HDAC6: variants seen among roughly 807,000 people sequenced by gnomAD.
The protein encoded by HDAC6 is protein deacetylase HDAC6.
A neutral mutation model predicts 88.9 loss-of-function variants in HDAC6; 5 were observed. That is an observed-to-expected ratio of 0.06 (90% CI 0.03 to 0.12). The LOEUF (loss-of-function observed/expected upper bound fraction) is 0.12. Among genes scored for constraint, HDAC6 ranks in the 10% least tolerant of loss-of-function variants. HDAC6 has a pLI of 1.00. For missense variants in HDAC6, 706 were observed against 1,014.4 expected, an observed-to-expected ratio of 0.70 and a Z score of 4.13; for synonymous variants, 378 against 398.0, an observed-to-expected ratio of 0.95 and a Z score of 0.60.
intron 1 of HDAC6, 43 bp from the exon 2 acceptor site, chrX:48,802,620 C>A (rs903060267): frequency 8.6e-6 from 10 of 1,163,917 alleles, no homozygotes; most frequent in Non-Finnish European, 1.1e-5. Context: ...CCTCAGGGCA[C>A]ACTAGCCCCC....
chrX:48,820,111 C>T lies in HDAC6; in HGVS notation c.2193C>T (p.Asn731=). ...CTCTTCTCTCCCTGCCTCAGTTTAA[C>T]CCAGAACTGGTGCTGGTCTCAGCTG... is the stretch of plus-strand genomic sequence containing the variant. ...RLVLPIAYEF[N]PELVLVSAGF... The change falls in exon 23 of 29, where the codon AAC becomes AAT. Residue 731 remains asparagine, a synonymous_variant. Transcript: ENST00000334136. 8.3e-7 allele frequency: 1 copy of T among 1,211,137 alleles called. No individual in the cohort carries two copies. Among genetic ancestry groups the T allele is most frequent in the Non-Finnish European group, 1.1e-6 (1 of 895,044 alleles).
At chrX:48,820,029 C>A in intron 22 of HDAC6, 77 bp from the exon 23 acceptor site, 1 of 1,010,388 alleles carries the variant, frequency 9.9e-7, no homozygotes. Flanking sequence ...TTCTCCATGT[C>A]TCTGGGTCGC....
rs1557024888 is a variant in HDAC6 at position 48,808,018 on chromosome X, C to G, written c.633-15C>G. ...CCTCACATACTCCAAGCTGTTATTT[C>G]CTTGTCTTGCCCAGGCCTCCTGGAC... On this transcript the variant is annotated splice_polypyrimidine_tract_variant and intron_variant, in intron 8 of 28. Coordinates refer to ENST00000334136, the MANE Select transcript of HDAC6 (RefSeq NM_006044.4). The G allele has an allele frequency of 3.5e-6, 4 of 1,152,312 alleles. No individual in the cohort carries two copies. The highest frequency in any genetic ancestry group is 4.7e-6 in the Non-Finnish European group (4 of 847,587). 95.0% of individuals were successfully genotyped at this position (1,152,312 alleles called of 1,213,427 possible).
intron 22 of HDAC6, among the ~76,000 whole-genome samples, chrX:48,819,245 C>A (rs1189913342): frequency 1.8e-5 from 2 of 112,028 alleles, no homozygotes; most frequent in African/African-American, 6.5e-5. Context: ...CTTTGAGAAA[C>A]TGTGTGTGTG....
At chrX:48,824,439 G>T (rs1557031720) in intron 28 of HDAC6, 105 bp from the exon 29 acceptor site, 2 of 1,073,449 alleles carry the variant, frequency 1.9e-6, no homozygotes, top group African/African-American at 3.7e-5. Flanking sequence ...CTGTGGGATA[G>T]TCCAGAAGAC....
intron 23 of HDAC6, among the ~76,000 whole-genome samples, chrX:48,822,113 A>G (rs2063093658): frequency 8.9e-6 from 1 of 111,828 alleles, no homozygotes; most frequent in African/African-American, 3.3e-5. Flanking sequence ...ATGTGGAGAA[A>G]GAGTCCAGTT....
chrX:48,801,849 A>G, upstream of HDAC6: 2 of 971,695 alleles, frequency 2.1e-6, no homozygotes, highest in Admixed American at 6.0e-5. Flanking sequence ...GGAAAAGAAA[A>G]GCCTGAGCGC....
At chrX:48,815,517 C>T (rs781918532) in intron 15 of HDAC6, 27 bp downstream of exon 15, 24 of 1,196,353 alleles carry the variant, frequency 2.0e-5, no homozygotes, top group Non-Finnish European at 2.6e-5. Flanking sequence ...GAGGGGAAAG[C>T]GGGAGCCTCA....
At position 48,824,795 on chromosome X, in the gene HDAC6, G is replaced by A; in HGVS notation, c.*183G>A. On this transcript the variant is annotated 3_prime_UTR_variant, in exon 29 of 29. Transcript: ENST00000334136. Reference sequence around the variant, plus strand: ...TTTAAGAGAACTGCGACGATTAATTGTGGATCTCCCCCTGCCCATTGCCTG... The same window carrying A: ...TTTAAGAGAACTGCGACGATTAATTATGGATCTCCCCCTGCCCATTGCCTG... The A allele has an allele frequency of 9.1e-7, 1 of 1,101,956 alleles. No homozygotes were observed. 90.8% of individuals were successfully genotyped at this position (1,101,956 alleles called of 1,213,427 possible).
chrX:48,818,805 A>G (rs2063033707), intron 22 of HDAC6, among the ~76,000 whole-genome samples: 1 of 112,067 alleles, frequency 8.9e-6, no homozygotes, highest in Admixed American at 9.4e-5. Context: ...GATGGGTGTG[A>G]TACTGTATGT....
At position 48,815,378 on chromosome X, in the gene HDAC6, C is replaced by T; in HGVS notation, c.1150-6C>T. The stretch of plus-strand genomic sequence containing the variant: ...CCTGATCCCCCTTCACAACTCCTTG[C>T]CCCAGGGTGGCTACAACCTCCGCGC... On this transcript the variant is annotated splice_region_variant and splice_polypyrimidine_tract_variant and intron_variant, in intron 14 of 28. Coordinates refer to ENST00000334136, the MANE Select transcript of HDAC6 (RefSeq NM_006044.4). 1 of 1,176,120 alleles carries T rather than the reference C, an allele frequency of 8.5e-7. No homozygotes were observed. Among genetic ancestry groups the T allele is most frequent in the South Asian group, 1.8e-5 (1 of 54,331 alleles).
chrX:48,806,730 T>C (rs781868990), intron 8 of HDAC6, 24 bp downstream of exon 8: 1 of 972,085 alleles, frequency 1.0e-6, no homozygotes, highest in Non-Finnish European at 1.4e-6. Context: ...GCATTTGACT[T>C]TTTACATTGT....
chrX:48,802,658 C>T lies in HDAC6; in HGVS notation c.-30-5C>T, dbSNP rs1325117227. The T allele has an allele frequency of 5.9e-6, 7 of 1,181,523 alleles. No homozygotes were observed. Among genetic ancestry groups the T allele is most frequent in the Admixed American group, 2.4e-5 (1 of 41,234 alleles). ...ACATACCCACGCTCCTCCCCCCACC[C>T]CCAGAACCGCGGCAGGGGCCAAGCC... On this transcript the variant is annotated splice_polypyrimidine_tract_variant and splice_region_variant and intron_variant, in intron 1 of 28. Coordinates refer to ENST00000334136, the MANE Select transcript of HDAC6 (RefSeq NM_006044.4).
chrX:48,816,096 C>A (rs781823204), intron 17 of HDAC6, 44 bp downstream of exon 17: 8 of 1,207,647 alleles, frequency 6.6e-6, no homozygotes, highest in Middle Eastern at 2.3e-4. Flanking sequence ...GGGGGTCCCT[C>A]CCCCTCAGGC....
chrX:48,824,651 C>T lies in HDAC6; in HGVS notation c.*39C>T, dbSNP rs1474336062. 20 of 1,196,250 alleles carry T rather than the reference C, an allele frequency of 1.7e-5. No individual in the cohort carries two copies. The highest frequency in any genetic ancestry group is 5.3e-5 in the African/African-American group (3 of 56,861). On this transcript the variant is annotated 3_prime_UTR_variant, in exon 29 of 29. Coordinates refer to ENST00000334136, the MANE Select transcript of HDAC6 (RefSeq NM_006044.4). ...GTCCCTCTTCACCTTCTGAGGCCCA[C>T]GATAGACCAGCTGTAGCTCATTCCA...
intron 22 of HDAC6, 77 bp downstream of exon 22, chrX:48,818,489 G>T: frequency 1.3e-6 from 1 of 790,637 alleles, no homozygotes; most frequent in Non-Finnish European, 1.8e-6. Context: ...TCCTTGGCAT[G>T]TGTGTGTGTG....
intron 20 of HDAC6, chrX:48,817,713 C>G: frequency 2.4e-6 from 1 of 414,900 alleles, no homozygotes; most frequent in South Asian, 4.2e-5. Context: ...GCATTTCTGG[C>G]CTATAGCAGC....
intron 23 of HDAC6, among the ~76,000 whole-genome samples, chrX:48,821,834 G>A (rs1372847298): frequency 1.8e-5 from 2 of 111,816 alleles, no homozygotes; most frequent in Non-Finnish European, 3.8e-5. Context: ...CCACTTTACA[G>A]ATGAGGAAAA....
At chrX:48,807,968 C>T in intron 8 of HDAC6, 65 bp from the exon 9 acceptor site, 2 of 722,333 alleles carry the variant, frequency 2.8e-6, no homozygotes, top group Admixed American at 2.7e-5. Context: ...GAGCAGGGGA[C>T]AGTCTGTCTC....
Sources: gnomAD v4.1 joint callset for allele counts (sites outside exome capture counted in the v4.1 genomes callset) on GRCh38, gnomAD v4.1.1 for gene constraint, MANE v1.5 for transcripts, NCBI Gene and HGNC (gene_info 2026-07-23, HGNC 2026-07-21) for gene names.